The following LINGO1 variants were observed in gnomAD, a reference collection of about 807,000 sequenced individuals.
The protein encoded by LINGO1 is leucine rich repeat and Ig domain containing 1, also known as leucine-rich repeat and immunoglobulin-like domain-containing nogo receptor-interacting protein 1.
In LINGO1, 11 loss-of-function variants were observed where a neutral mutation model predicts 37.3. The ratio of observed to expected loss-of-function variants is 0.29; its 90% CI spans 0.19 to 0.49. LINGO1 has a LOEUF of 0.49. Among genes scored for constraint, LINGO1 ranks in the 20% least tolerant of loss-of-function variants. The probability of loss-of-function intolerance (pLI) is 0.99; values close to 1 mark genes in which losing one functional copy is unlikely to be tolerated. For missense variants in LINGO1, 585 were observed against 878.2 expected, an observed-to-expected ratio of 0.67 and a Z score of 4.22; for synonymous variants, 387 against 403.0, an observed-to-expected ratio of 0.96 and a Z score of 0.48.
At chr15:77,724,329 G>A (rs2076081198) in intron 2 of LINGO1, among the ~76,000 whole-genome samples, 1 of 152,258 alleles carries the variant, frequency 6.6e-6, no homozygotes, top group African/African-American at 2.4e-5. Flanking sequence ...ATTGGGCAGG[G>A]AGGGTGGCGT....
chr15:77,697,386 T>G (rs1157763236), upstream of LINGO1, among the ~76,000 whole-genome samples: 1 of 152,172 alleles, frequency 6.6e-6, no homozygotes, highest in Admixed American at 6.5e-5. Context: ...ATGCAGCCAC[T>G]GCTGTTGCAG....
At chr15:77,705,796 C>T (rs530465673) in intron 2 of LINGO1, among the ~76,000 whole-genome samples, 23 of 152,320 alleles carry the variant, frequency 1.5e-4, no homozygotes, top group Admixed American at 8.5e-4. Flanking sequence ...GGCTGTGTGT[C>T]CTAGGGGAGA....
intron 1 of LINGO1, among the ~76,000 whole-genome samples, chr15:77,630,170 A>G (rs28674549): frequency 0.15 from 23,292 of 151,480 alleles, 3,559 homozygotes; most frequent in African/African-American, 0.39. Flanking sequence ...CACACCTACT[A>G]CCCACCGCCC....
At chr15:77,713,254 G>C (rs998266530) in intron 2 of LINGO1, among the ~76,000 whole-genome samples, 2 of 149,208 alleles carry the variant, frequency 1.3e-5, no homozygotes, top group Non-Finnish European at 3.0e-5. Flanking sequence ...GTGTGTGTGT[G>C]TGTTGTAGAG....
chr15:77,635,678 T>G (rs1481419488), upstream of LINGO1, among the ~76,000 whole-genome samples: 1 of 152,226 alleles, frequency 6.6e-6, no homozygotes, highest in Non-Finnish European at 1.5e-5. Flanking sequence ...TTTCTACCTG[T>G]GCTTCAAAAC....
intron 3 of LINGO1, chr15:77,649,195 T>G (rs1395974008): frequency 6.6e-6 from 1 of 152,254 alleles, no homozygotes; most frequent in Non-Finnish European, 1.5e-5. Context: ...AAATGTGTTT[T>G]AATAGCCACA....
intron 1 of LINGO1, among the ~76,000 whole-genome samples, chr15:77,617,317 T>C (rs952551223): frequency 6.6e-6 from 1 of 151,908 alleles, no homozygotes; most frequent in African/African-American, 2.4e-5. Context: ...GCCTGGCAAA[T>C]AGGGTGAGTA....
intron 2 of LINGO1, among the ~76,000 whole-genome samples, chr15:77,794,626 C>T (rs2076857596): frequency 1.4e-5 from 2 of 141,346 alleles, no homozygotes; most frequent in Non-Finnish European, 3.0e-5. Context: ...CTCGCTCTGT[C>T]GCCCAGGCTG....
At chr15:77,659,900 A>G (rs1596063434) in intron 3 of LINGO1, among the ~76,000 whole-genome samples, 2 of 152,354 alleles carry the variant, frequency 1.3e-5, no homozygotes, top group South Asian at 4.1e-4. Flanking sequence ...CTCCTCCAGC[A>G]GAGGGCACCC....
At chr15:77,670,534 C>T (rs1279949513) in intron 3 of LINGO1, among the ~76,000 whole-genome samples, 1 of 152,242 alleles carries the variant, frequency 6.6e-6, no homozygotes, top group Non-Finnish European at 1.5e-5. Flanking sequence ...CCAGAGCTGG[C>T]ATCTCAGGGC....
rs774886860 is a variant in LINGO1 at position 77,614,018 on chromosome 15, G to A, written c.*26C>T. 44 of 1,539,330 alleles carry A rather than the reference G, an allele frequency of 2.9e-5. No homozygotes were observed. The Middle Eastern group carries it at 5.6e-4, about 20-fold the overall frequency. On this transcript the variant is annotated 3_prime_UTR_variant, in exon 2 of 2. Coordinates refer to ENST00000355300, the MANE Select transcript of LINGO1 (RefSeq NM_032808.7). The stretch of plus-strand genomic sequence containing the variant: ...GGCCCCTTCCCCTGCCCGGCCGCCC[G>A]GGGGTCCCTGCCCCCCGCCCCGGCC...
chr15:77,730,986 C>T (rs1178818189), intron 2 of LINGO1, among the ~76,000 whole-genome samples: 1 of 152,244 alleles, frequency 6.6e-6, no homozygotes, highest in Non-Finnish European at 1.5e-5. Flanking sequence ...TGCCCCACAA[C>T]TGCCTAGCTG....
chr15:77,725,687 G>T (rs1567549165), intron 2 of LINGO1, among the ~76,000 whole-genome samples: 1 of 152,218 alleles, frequency 6.6e-6, no homozygotes, highest in Non-Finnish European at 1.5e-5. Flanking sequence ...GGCCTGCCTG[G>T]ATCACACAGA....
rs561139374 is a variant in LINGO1, at chr15:77,720,158, T to TC, written c.-195+14833dup. On this transcript the variant is annotated intron_variant, in intron 2 of 3. Transcript: ENST00000561686. ...CACCAGCCCCACCCCACCCCTCCAC[T>TC]CCAATACCGATCCTGGCCCTGACAC... 5.0e-4 allele frequency among the ~76,000 whole-genome samples: 60 copies of TC among 119,548 alleles called. 2 individuals are homozygous for TC. The highest frequency in any genetic ancestry group is 7.9e-3 in the Middle Eastern group (2 of 252). The allele number at this position is 119,548 out of a possible 152,430, so 78.4% of individuals were successfully genotyped here. A position where few individuals can be genotyped will look rare whatever the true frequency, so the allele number is the denominator to read the frequency against.
chr15:77,782,053 C>T (rs186015777), intron 1 of LINGO1, among the ~76,000 whole-genome samples: 21 of 152,300 alleles, frequency 1.4e-4, no homozygotes, highest in African/African-American at 4.6e-4. Context: ...TGGAGGAAAA[C>T]GAGGAGCAGG....
chr15:77,675,981 C>T (rs995942286), intron 3 of LINGO1, among the ~76,000 whole-genome samples: 1 of 152,238 alleles, frequency 6.6e-6, no homozygotes, highest in Admixed American at 6.5e-5. Flanking sequence ...TGTCTCTCAG[C>T]TCTGTTCACA....
At chr15:77,769,362 A>T (rs2076561099) in intron 1 of LINGO1, among the ~76,000 whole-genome samples, 2 of 152,110 alleles carry the variant, frequency 1.3e-5, no homozygotes, top group Non-Finnish European at 2.9e-5. Context: ...CACAGTAATT[A>T]GCTTCAAGTC....
At chr15:77,693,712 G>A (rs1015807962) in intron 1 of LINGO1, among the ~76,000 whole-genome samples, 5 of 152,204 alleles carry the variant, frequency 3.3e-5, no homozygotes, top group African/African-American at 1.2e-4. Flanking sequence ...GGCTTAGCCA[G>A]GGTGATGGCA....
chr15:77,795,451 G>C (rs963078744), intron 2 of LINGO1, among the ~76,000 whole-genome samples: 4 of 152,184 alleles, frequency 2.6e-5, no homozygotes, highest in Non-Finnish European at 5.9e-5. Flanking sequence ...CCTGGGGTCT[G>C]AGCCTTATCC....
Sources: allele counts gnomAD v4.1 joint callset (sites outside exome capture counted in the v4.1 genomes callset), GRCh38; gene constraint gnomAD v4.1.1; transcripts MANE v1.5; gene names NCBI Gene and HGNC (gene_info 2026-07-23, HGNC 2026-07-21).